Variants in NBEA observed in about 807,000 individuals in gnomAD.
NBEA encodes the protein neurobeachin.
A neutral mutation model predicts 343.4 loss-of-function variants in NBEA; 44 were observed. That is an observed-to-expected ratio of 0.13 (90% CI 0.10 to 0.16). NBEA has a LOEUF of 0.16. Ranked by LOEUF, NBEA falls within the 10% of genes least tolerant of loss-of-function variation. The pLI is 1.00. For synonymous variants in NBEA, 1,175 were observed against 1,238.7 expected (o/e 0.95, Z 1.08); for missense variants, 2,555 against 3,631.3 (o/e 0.70, Z 7.62).
intron 38 of NBEA, among the ~76,000 whole-genome samples, chr13:35,384,521 C>CT (rs938208413): frequency 0.066 from 7,842 of 118,984 alleles, 360 homozygotes; most frequent in African/African-American, 0.094. Flanking sequence ...CTTGAATAAT[C>CT]TTTTTTTTTT....
At chr13:34,974,910 A>T (rs2060114916) in intron 1 of NBEA, among the ~76,000 whole-genome samples, 1 of 152,178 alleles carries the variant, frequency 6.6e-6, no homozygotes, top group Admixed American at 6.5e-5. Context: ...AACATTGTTG[A>T]TACTGAATTA....
intron 38 of NBEA, among the ~76,000 whole-genome samples, chr13:35,368,100 T>A (rs1416449165): frequency 6.6e-6 from 1 of 151,688 alleles, no homozygotes; most frequent in Non-Finnish European, 1.5e-5. Context: ...AATTATTTTC[T>A]TGAAAAGAAT....
intron 38 of NBEA, among the ~76,000 whole-genome samples, chr13:35,380,874 C>T (rs925017625): frequency 4.6e-5 from 7 of 152,064 alleles, no homozygotes; most frequent in African/African-American, 1.7e-4. Flanking sequence ...TATTTTGCCA[C>T]AATTGTGATA....
At chr13:35,443,607 C>T (rs1341957812) in intron 39 of NBEA, among the ~76,000 whole-genome samples, 1 of 151,768 alleles carries the variant, frequency 6.6e-6, no homozygotes, top group Non-Finnish European at 1.5e-5. Flanking sequence ...AGTAAATACT[C>T]AGATTTTTAC....
chr13:35,567,126 T>C (rs371210295), intron 45 of NBEA, 109 bp downstream of exon 45: 1 of 534,342 alleles, frequency 1.9e-6, no homozygotes, highest in African/African-American at 1.9e-5. Flanking sequence ...GTGAAACTGA[T>C]TATCTTGACT....
At chr13:35,424,740 G>A (rs1025175791) in intron 38 of NBEA, among the ~76,000 whole-genome samples, 10 of 152,128 alleles carry the variant, frequency 6.6e-5, no homozygotes, top group African/African-American at 1.9e-4. Context: ...GCTCCTCCTT[G>A]TACCTCTGGT....
intron 38 of NBEA, among the ~76,000 whole-genome samples, chr13:35,379,062 C>A (rs1210938583): frequency 1.3e-5 from 2 of 151,350 alleles, no homozygotes; most frequent in Admixed American, 6.6e-5. Flanking sequence ...TAATGTTGCT[C>A]TGAACATTCT....
intron 40 of NBEA, among the ~76,000 whole-genome samples, chr13:35,468,518 A>G (rs2075498319): frequency 6.6e-6 from 1 of 152,182 alleles, no homozygotes; most frequent in South Asian, 2.1e-4. Flanking sequence ...ATACTTAATC[A>G]TTGAATTATT....
intron 34 of NBEA, among the ~76,000 whole-genome samples, chr13:35,288,934 C>G (rs1391371969): frequency 1.3e-5 from 2 of 151,916 alleles, no homozygotes; most frequent in Admixed American, 1.3e-4. Context: ...CACCAATTGT[C>G]TCGTAAATGA....
chr13:35,386,478 C>T (rs1451642792), intron 38 of NBEA, among the ~76,000 whole-genome samples: 2 of 152,078 alleles, frequency 1.3e-5, no homozygotes, highest in Non-Finnish European at 2.9e-5. Context: ...TTGTATGTTA[C>T]ATAATAATTC....
intron 48 of NBEA, among the ~76,000 whole-genome samples, chr13:35,615,500 C>G (rs1055989283): frequency 3.9e-5 from 6 of 151,948 alleles, no homozygotes; most frequent in African/African-American, 7.3e-5. Flanking sequence ...TGCACCACCA[C>G]GCCCGGCTAA....
chr13:35,458,625 C>G (rs2152950771), intron 40 of NBEA, among the ~76,000 whole-genome samples: 1 of 152,096 alleles, frequency 6.6e-6, no homozygotes, highest in South Asian at 2.1e-4. Context: ...TTTGTTTTGT[C>G]TTTTGTTTTT....
chr13:35,634,922 C>T (rs1167147354), intron 49 of NBEA, among the ~76,000 whole-genome samples: 3 of 152,036 alleles, frequency 2.0e-5, no homozygotes, highest in African/African-American at 7.3e-5. Flanking sequence ...TCAGTTTTTA[C>T]TTTATTTTCT....
At chr13:35,137,851 GAA>G (rs1593471255) in intron 17 of NBEA, among the ~76,000 whole-genome samples, 1 of 152,002 alleles carries the variant, frequency 6.6e-6, no homozygotes, top group Non-Finnish European at 1.5e-5. Context: ...ATAGTAGAAA[GAA>G]TGAGTATTAA....
At chr13:35,625,142 T>C (rs74042806) in intron 48 of NBEA, among the ~76,000 whole-genome samples, 34,924 of 152,058 alleles carry the variant, frequency 0.23, 4,377 homozygotes, top group East Asian at 0.45. Flanking sequence ...ATGATACAAA[T>C]ATATTTATCT....
chr13:35,410,998 C>A (rs763126191), intron 38 of NBEA, among the ~76,000 whole-genome samples: 10 of 152,152 alleles, frequency 6.6e-5, no homozygotes, highest in Non-Finnish European at 1.2e-4. Flanking sequence ...AGAAAGTCAG[C>A]AAGCATAATG....
chr13:35,051,057 A>G (rs2063049440), intron 6 of NBEA, among the ~76,000 whole-genome samples: 1 of 151,990 alleles, frequency 6.6e-6, no homozygotes, highest in South Asian at 2.1e-4. Flanking sequence ...ATCAGGTGGC[A>G]TTTTCTAGAG....
At chr13:35,282,008 G>A (rs2035084965) in intron 34 of NBEA, among the ~76,000 whole-genome samples, 1 of 151,890 alleles carries the variant, frequency 6.6e-6, no homozygotes, top group Non-Finnish European at 1.5e-5. Context: ...CACCTTCCGG[G>A]TTCACTCCAT....
chr13:34,985,725 T>C (rs1371213041), intron 1 of NBEA, among the ~76,000 whole-genome samples: 1 of 150,924 alleles, frequency 6.6e-6, no homozygotes, highest in African/African-American at 2.4e-5. Context: ...GAGGCTGTTA[T>C]TGGTCCCTTC....
Sources: allele counts gnomAD v4.1 joint callset (sites outside exome capture counted in the v4.1 genomes callset), GRCh38; gene constraint gnomAD v4.1.1; transcripts MANE v1.5; gene names NCBI Gene and HGNC (gene_info 2026-07-23, HGNC 2026-07-21).